GALNTL6: variants seen among roughly 807,000 people sequenced by gnomAD.
GALNTL6 encodes the protein polypeptide N-acetylgalactosaminyltransferase like 6.
A neutral mutation model predicts 73.7 loss-of-function variants in GALNTL6; 46 were observed. The ratio of observed to expected loss-of-function variants is 0.62; its 90% CI spans 0.49 to 0.80. GALNTL6 has a LOEUF of 0.80. GALNTL6 is among the 30% of genes least tolerant of loss of function. The pLI, the probability that GALNTL6 is intolerant of heterozygous loss-of-function variation, is 0.00. For synonymous variants in GALNTL6, 259 were observed against 263.7 expected (o/e 0.98, Z 0.17); for missense variants, 604 against 755.0 (o/e 0.80, Z 2.34).
At chr4:172,387,103 A>C (rs1022772731) in intron 5 of GALNTL6, among the ~76,000 whole-genome samples, 3 of 152,042 alleles carry the variant, frequency 2.0e-5, no homozygotes, top group African/African-American at 7.2e-5. Context: ...TGAGGGCCCC[A>C]CCCTCATAAT....
rs980007051 is a variant in GALNTL6, at chr4:172,624,037, A to G, written c.554-185324A>G. On this transcript the variant is annotated intron_variant, in intron 5 of 12. Coordinates refer to ENST00000506823, the MANE Select transcript of GALNTL6 (RefSeq NM_001034845.3). ...GTTTCCAAAATTTCTAAATTAACAG[A>G]AGCCTGTACTTGACAACTATATGGA... 2.0e-5 allele frequency among the ~76,000 whole-genome samples: 3 copies of G among 152,154 alleles called. No homozygotes were observed. In the East Asian group the frequency reaches 5.8e-4, roughly 29 times the overall value.
At chr4:172,695,939 C>A (rs915782238) in intron 5 of GALNTL6, among the ~76,000 whole-genome samples, 1 of 151,540 alleles carries the variant, frequency 6.6e-6, no homozygotes, top group South Asian at 2.1e-4. Flanking sequence ...GGCAACAGAG[C>A]GAGACTCTGT....
chr4:172,867,229 G>T (rs956883527), intron 7 of GALNTL6, among the ~76,000 whole-genome samples: 1 of 152,156 alleles, frequency 6.6e-6, no homozygotes, highest in East Asian at 1.9e-4. Context: ...AGGACAAAAA[G>T]GGTATAACAT....
rs116456862 is a variant in GALNTL6, at chr4:172,624,313, C to G, written c.554-185048C>G. Among the ~76,000 whole-genome samples, 423 of 151,584 alleles carry G rather than the reference C, an allele frequency of 2.8e-3. 3 individuals carry two copies. Among genetic ancestry groups the G allele is most frequent in the African/African-American group, 9.5e-3 (394 of 41,402 alleles). ...TTTGTTTTAAAGCTGCTTTATTTTT[C>G]TCTAGGATCTCATAATTTCTTATTT... On this transcript the variant is annotated intron_variant, in intron 5 of 12. Coordinates refer to ENST00000506823, the MANE Select transcript of GALNTL6 (RefSeq NM_001034845.3).
At chr4:172,535,348 T>C (rs1051632625) in intron 5 of GALNTL6, among the ~76,000 whole-genome samples, 14 of 152,212 alleles carry the variant, frequency 9.2e-5, no homozygotes, top group African/African-American at 3.4e-4. Flanking sequence ...GAATTCATCT[T>C]TGGAACTAGC....
chr4:171,829,498 C>T (rs1358861620), intron 2 of GALNTL6, among the ~76,000 whole-genome samples: 2 of 152,138 alleles, frequency 1.3e-5, no homozygotes, highest in Non-Finnish European at 1.5e-5. Context: ...TGCCAAGACT[C>T]CCTAAGCCTC....
chr4:173,037,202 A>T lies in GALNTL6; in HGVS notation c.1639-2731A>T, dbSNP rs549851391. On this transcript the variant is annotated intron_variant, in intron 12 of 12. Transcript: ENST00000506823. ...CAACCAGGGAACAATTAGTCTGTGG[A>T]TCTACTGATCACTGTGGATGGTCTC... is the stretch of plus-strand genomic sequence containing the variant. Among the ~76,000 whole-genome samples the T allele has an allele frequency of 8.5e-5, 13 of 152,282 alleles. No individual in the cohort carries two copies. In the South Asian group the frequency reaches 2.7e-3, roughly 32 times the overall value.
chr4:172,745,974 T>C (rs1254260083), intron 5 of GALNTL6, among the ~76,000 whole-genome samples: 1 of 152,126 alleles, frequency 6.6e-6, no homozygotes, highest in Non-Finnish European at 1.5e-5. Flanking sequence ...TTATTACTGC[T>C]GCTTACCAAT....
At chr4:172,759,007 A>G (rs1411718404) in intron 5 of GALNTL6, among the ~76,000 whole-genome samples, 1 of 152,174 alleles carries the variant, frequency 6.6e-6, no homozygotes, top group African/African-American at 2.4e-5. Context: ...ATTCTTCTCT[A>G]TTAGAAATAT....
intron 9 of GALNTL6, among the ~76,000 whole-genome samples, chr4:172,931,892 C>T (rs1472012854): frequency 1.3e-5 from 2 of 152,166 alleles, no homozygotes; most frequent in Non-Finnish European, 2.9e-5. Context: ...CATTTTTATG[C>T]TTGTTTAGGA....
chr4:172,948,951 T>G (rs1749306035), intron 9 of GALNTL6, among the ~76,000 whole-genome samples: 1 of 152,218 alleles, frequency 6.6e-6, no homozygotes, highest in Non-Finnish European at 1.5e-5. Context: ...CTATTCTGGT[T>G]AGCATTTATC....
intron 5 of GALNTL6, among the ~76,000 whole-genome samples, chr4:172,364,246 G>T (rs1047150699): frequency 3.3e-5 from 5 of 152,084 alleles, no homozygotes; most frequent in Non-Finnish European, 7.4e-5. Context: ...AAAATAGCAA[G>T]AGTCTGTCTC....
At position 172,403,178 on chromosome 4, in the gene GALNTL6, T is replaced by C. The variant is rs1744100686; in HGVS notation, c.553+54489T>C. Among the ~76,000 whole-genome samples the C allele has an allele frequency of 3.3e-5, 5 of 152,070 alleles. No individual in the cohort carries two copies. In the South Asian group the frequency reaches 1.0e-3, roughly 31 times the overall value. ...GAGCCAGCACAGCCCAGGGTTAGGC[T>C]GATAATCAAATGAACTTTCAAACTT... On this transcript the variant is annotated intron_variant, in intron 5 of 12. Transcript: ENST00000506823.
At position 171,840,740 on chromosome 4, in the gene GALNTL6, G is replaced by T. The variant is rs1235052204; in HGVS notation, c.138+26022G>T. On this transcript the variant is annotated intron_variant, in intron 2 of 12. Coordinates refer to ENST00000506823, the MANE Select transcript of GALNTL6 (RefSeq NM_001034845.3). ...GTGTAACAATATATAACTTTCCAGG[G>T]CTCCAAGCCAAGCATCCTTCTCTTG... Among the ~76,000 whole-genome samples the T allele has an allele frequency of 3.3e-5, 5 of 152,032 alleles. No individual in the cohort carries two copies. The East Asian group carries it at 9.7e-4, about 29-fold the overall frequency.
intron 2 of GALNTL6, among the ~76,000 whole-genome samples, chr4:172,224,368 T>C (rs1478908340): frequency 1.3e-5 from 2 of 152,198 alleles, no homozygotes; most frequent in Non-Finnish European, 2.9e-5. Context: ...CCAGAGTTTT[T>C]CTACTACATC....
intron 5 of GALNTL6, among the ~76,000 whole-genome samples, chr4:172,428,859 G>A (rs1731324944): frequency 6.6e-6 from 1 of 152,132 alleles, no homozygotes; most frequent in South Asian, 2.1e-4. Context: ...AGATTCAGGG[G>A]TCTGACTCTT....
chr4:172,528,991 G>A (rs173074), intron 5 of GALNTL6, among the ~76,000 whole-genome samples: 72,404 of 95,808 alleles, frequency 0.76, 28,253 homozygotes, highest in East Asian at 0.98. Flanking sequence ...ACATATGTGT[G>A]TATATATATA....
At chr4:171,896,200 T>C (rs1377725982) in intron 2 of GALNTL6, among the ~76,000 whole-genome samples, 1 of 152,206 alleles carries the variant, frequency 6.6e-6, no homozygotes, top group African/African-American at 2.4e-5. Flanking sequence ...AAATGAAAAA[T>C]ATCTGGGTAA....
intron 5 of GALNTL6, among the ~76,000 whole-genome samples, chr4:172,449,150 C>G (rs1463381841): frequency 1.3e-5 from 2 of 152,034 alleles, no homozygotes; most frequent in African/African-American, 4.8e-5. Flanking sequence ...TTGCTTTTAT[C>G]CCTCCATTGG....
Sources: allele counts gnomAD v4.1 joint callset (sites outside exome capture counted in the v4.1 genomes callset), GRCh38; gene constraint gnomAD v4.1.1; transcripts MANE v1.5; gene names NCBI Gene and HGNC (gene_info 2026-07-23, HGNC 2026-07-21).